ZMYM2: variants seen among roughly 807,000 people sequenced by gnomAD.
ZMYM2 encodes zinc finger MYM-type containing 2.
Under a neutral mutation model 162.8 loss-of-function variants are expected in ZMYM2, and 56 were observed. The observed-to-expected ratio is 0.34, with a 90% CI of 0.28 to 0.43. The LOEUF is 0.43. ZMYM2 is among the 20% of genes least tolerant of loss of function. The pLI, the probability that ZMYM2 is intolerant of heterozygous loss-of-function variation, is 1.00. For missense variants in ZMYM2, 1,275 were observed against 1,621.8 expected (o/e 0.79, Z 3.67); for synonymous variants, 510 against 541.6 (o/e 0.94, Z 0.81).
intron 21 of ZMYM2, among the ~76,000 whole-genome samples, chr13:20,075,088 TAACTA>T: frequency 6.6e-6 from 1 of 152,310 alleles, no homozygotes; most frequent in South Asian, 2.1e-4. Context: ...AAAGATAAGA[TAACTA>T]AAGTAAACTT....
intron 21 of ZMYM2, among the ~76,000 whole-genome samples, chr13:20,077,944 A>C (rs1315178763): frequency 1.3e-5 from 2 of 151,082 alleles, no homozygotes; most frequent in African/African-American, 4.9e-5. Context: ...CAGCCTCCCG[A>C]ATAGCTGGGA....
the ZMYM2 span, among the ~76,000 whole-genome samples, chr13:19,881,782 C>T: frequency 6.6e-6 from 1 of 151,838 alleles, no homozygotes; most frequent in South Asian, 2.1e-4. Flanking sequence ...ATCAGGAGTT[C>T]AAGACCACAC....
chr13:19,976,390 CTTT>C (rs565939225), intron 2 of ZMYM2, among the ~76,000 whole-genome samples: 1 of 150,312 alleles, frequency 6.7e-6, no homozygotes. Flanking sequence ...TGAAATGGTA[CTTT>C]TTTTTTCTTT....
intron 14 of ZMYM2, among the ~76,000 whole-genome samples, chr13:20,054,471 C>T (rs1003164706): frequency 2.6e-5 from 4 of 152,124 alleles, no homozygotes; most frequent in Non-Finnish European, 5.9e-5. Context: ...GATAAAAAGT[C>T]CTACCTTTTG....
intron 8 of ZMYM2, 23 bp from the exon 9 acceptor site, chr13:20,027,180 G>C: frequency 6.6e-7 from 1 of 1,517,720 alleles, no homozygotes; most frequent in Non-Finnish European, 8.9e-7. Flanking sequence ...AAACAAATCA[G>C]ATATGTACCT....
At chr13:20,015,716 T>G (rs1227896253) in intron 6 of ZMYM2, among the ~76,000 whole-genome samples, 2 of 152,152 alleles carry the variant, frequency 1.3e-5, no homozygotes, top group African/African-American at 4.8e-5. Flanking sequence ...GTAGACCCTT[T>G]GTTCAGTATG....
At chr13:19,961,374 C>T (rs1017488044) in intron 2 of ZMYM2, among the ~76,000 whole-genome samples, 1 of 152,056 alleles carries the variant, frequency 6.6e-6, no homozygotes. Context: ...GTCTCTTTTT[C>T]AATATGTCTG....
At chr13:20,039,982 G>C (rs184371745) in intron 12 of ZMYM2, among the ~76,000 whole-genome samples, 2 of 152,262 alleles carry the variant, frequency 1.3e-5, no homozygotes, top group East Asian at 1.9e-4. Context: ...TGCTGGATTT[G>C]GTTTGGCAGT....
chr13:19,925,516 T>C, the ZMYM2 span, among the ~76,000 whole-genome samples: 3 of 152,314 alleles, frequency 2.0e-5, no homozygotes, highest in Admixed American at 2.0e-4. Context: ...ATTTTTAAAA[T>C]ATGTTGCTGT....
the ZMYM2 span, among the ~76,000 whole-genome samples, chr13:19,939,085 G>A: frequency 6.7e-6 from 1 of 148,190 alleles, no homozygotes; most frequent in Non-Finnish European, 1.5e-5. Flanking sequence ...GTGCAATGGC[G>A]TGATCTCGGC....
intron 2 of ZMYM2, among the ~76,000 whole-genome samples, chr13:19,990,248 C>T (rs1949498696): frequency 6.6e-6 from 1 of 152,192 alleles, no homozygotes; most frequent in South Asian, 2.1e-4. Context: ...ATACTAGGTG[C>T]TCTGTAAATC....
At chr13:20,067,178 TTTC>T (rs1956744845) in intron 20 of ZMYM2, 58 bp from the exon 21 acceptor site, 2 of 1,446,298 alleles carry the variant, frequency 1.4e-6, no homozygotes, top group African/African-American at 1.4e-5. Context: ...CGTCAGAAAG[TTTC>T]TTAACCTTAA....
At chr13:20,043,153 G>C (rs1386605171) in intron 12 of ZMYM2, among the ~76,000 whole-genome samples, 2 of 152,186 alleles carry the variant, frequency 1.3e-5, no homozygotes, top group African/African-American at 4.8e-5. Flanking sequence ...CTCCTGGACT[G>C]TGTGCTTTAA....
chr13:20,005,377 T>G, intron 5 of ZMYM2, 138 bp downstream of exon 5: 1 of 594,584 alleles, frequency 1.7e-6, no homozygotes, highest in Non-Finnish European at 2.8e-6. Context: ...TATCCTATTA[T>G]GTAATCTGAT....
rs576078338 is a variant in ZMYM2 at position 20,012,074 on chromosome 13, T to TG, written c.1512+5492dup. Among the ~76,000 whole-genome samples, 357 of 152,148 alleles carry TG rather than the reference T, an allele frequency of 2.3e-3. 2 individuals carry two copies. Among genetic ancestry groups the TG allele is most frequent in the African/African-American group, 8.1e-3 (338 of 41,534 alleles). Reference sequence around the variant, plus strand: ...CTAATACTTGTATTTTTAGTAGAGATGGGGTTCCACCATGTTGGCCAGGCT... The same window carrying TG: ...CTAATACTTGTATTTTTAGTAGAGATGGGGGTTCCACCATGTTGGCCAGGCT... On this transcript the variant is annotated intron_variant, in intron 6 of 24. Transcript: ENST00000610343.
intron 2 of ZMYM2, among the ~76,000 whole-genome samples, chr13:19,963,317 T>G (rs919652866): frequency 1.3e-5 from 2 of 152,216 alleles, no homozygotes; most frequent in African/African-American, 4.8e-5. Flanking sequence ...TATATTCCTG[T>G]CAAAGCATAG....
intron 12 of ZMYM2, among the ~76,000 whole-genome samples, chr13:20,050,372 T>A (rs1955209969): frequency 6.6e-6 from 1 of 151,892 alleles, no homozygotes; most frequent in Non-Finnish European, 1.5e-5. Context: ...GTGAGAAATT[T>A]CAAAATCCAC....
At chr13:20,063,053 A>G in intron 18 of ZMYM2, 82 bp downstream of exon 18, 1 of 1,420,446 alleles carries the variant, frequency 7.0e-7, no homozygotes, top group Non-Finnish European at 9.4e-7. Flanking sequence ...TGTTTGTGTC[A>G]TTGCCTTTTA....
the ZMYM2 span, among the ~76,000 whole-genome samples, chr13:19,871,649 C>T: frequency 1.3e-5 from 2 of 152,244 alleles, no homozygotes; most frequent in Non-Finnish European, 2.9e-5. Flanking sequence ...GCTACACTTT[C>T]ATAAAGTCAT....
Sources: gnomAD v4.1 joint callset for allele counts (sites outside exome capture counted in the v4.1 genomes callset) on GRCh38, gnomAD v4.1.1 for gene constraint, MANE v1.5 for transcripts, NCBI Gene and HGNC (gene_info 2026-07-23, HGNC 2026-07-21) for gene names.